Variants in CEP112 observed in about 807,000 individuals in gnomAD.
CEP112 encodes the protein centrosomal protein 112.
Under a neutral mutation model 153.0 loss-of-function variants are expected in CEP112, and 127 were observed. The observed-to-expected ratio is 0.83, with a 90% CI of 0.72 to 0.96. CEP112 has a LOEUF of 0.96. CEP112 is among the 40% of genes least tolerant of loss of function. The probability of loss-of-function intolerance (pLI) is 0.00; values close to 1 mark genes in which losing one functional copy is unlikely to be tolerated. For synonymous variants in CEP112, 358 were observed against 374.4 expected, an observed-to-expected ratio of 0.96 and a Z score of 0.51; for missense variants, 1,089 against 1,101.2, an observed-to-expected ratio of 0.99 and a Z score of 0.16.
intron 2 of CEP112, among the ~76,000 whole-genome samples, chr17:66,180,568 G>C (rs1486953518): frequency 6.6e-6 from 1 of 151,898 alleles, no homozygotes; most frequent in Non-Finnish European, 1.5e-5. Context: ...ATTGATTGAG[G>C]GTTTTAACAT....
chr17:65,938,414 T>TAAAAA (rs1555722412), intron 18 of CEP112, among the ~76,000 whole-genome samples: 2 of 52,848 alleles, frequency 3.8e-5, no homozygotes, highest in African/African-American at 7.4e-5. Flanking sequence ...GAATGATCAA[T>TAAAAA]AAAAAAAAAA....
chr17:66,107,898 A>G (rs1264579765), intron 6 of CEP112, among the ~76,000 whole-genome samples: 4 of 152,210 alleles, frequency 2.6e-5, no homozygotes, highest in African/African-American at 9.6e-5. Context: ...TTCAAACTAT[A>G]GTACAAAGCT....
chr17:66,035,949 G>A (rs1210411619), intron 12 of CEP112, among the ~76,000 whole-genome samples: 2 of 152,200 alleles, frequency 1.3e-5, no homozygotes, highest in East Asian at 3.8e-4. Flanking sequence ...TCCACACTGG[G>A]GAGCCTGAAC....
At chr17:66,027,189 C>T (rs2065249252) in intron 16 of CEP112, among the ~76,000 whole-genome samples, 1 of 152,058 alleles carries the variant, frequency 6.6e-6, no homozygotes, top group African/African-American at 2.4e-5. Flanking sequence ...CCAACCTGGC[C>T]AAAATGGTGA....
chr17:66,039,564 G>T (rs1469186663), intron 12 of CEP112, among the ~76,000 whole-genome samples: 1 of 152,132 alleles, frequency 6.6e-6, no homozygotes, highest in Non-Finnish European at 1.5e-5. Context: ...AAGTCTTAAA[G>T]ATAGAGTTTA....
chr17:65,753,717 C>T (rs995834639), intron 21 of CEP112, among the ~76,000 whole-genome samples: 12 of 152,176 alleles, frequency 7.9e-5, no homozygotes, highest in East Asian at 7.7e-4. Flanking sequence ...TTAAAATAAA[C>T]GCTTAATAGA....
chr17:65,966,380 T>C (rs909356993), intron 17 of CEP112, among the ~76,000 whole-genome samples: 35 of 152,328 alleles, frequency 2.3e-4, no homozygotes, highest in African/African-American at 7.7e-4. Flanking sequence ...AACCTTAATT[T>C]GAAAATCTTC....
At chr17:66,151,907 T>A (rs951035242) in intron 4 of CEP112, among the ~76,000 whole-genome samples, 23 of 152,082 alleles carry the variant, frequency 1.5e-4, no homozygotes, top group Non-Finnish European at 3.2e-4. Context: ...AATTAAAAAA[T>A]TTTAAAAAAA....
intron 8 of CEP112, 22 bp from the exon 9 acceptor site, chr17:66,070,023 G>A: frequency 2.1e-6 from 3 of 1,444,452 alleles, no homozygotes; most frequent in African/African-American, 1.4e-5. Context: ...ATATTTCAAG[G>A]GTGTTATTAA....
intron 4 of CEP112, among the ~76,000 whole-genome samples, chr17:66,165,791 A>G (rs2071929864): frequency 6.6e-6 from 1 of 152,212 alleles, no homozygotes; most frequent in Admixed American, 6.5e-5. Flanking sequence ...ATATTGGGGT[A>G]AGACATACAG....
chr17:66,099,970 T>C (rs959745106), intron 6 of CEP112, among the ~76,000 whole-genome samples: 1 of 151,880 alleles, frequency 6.6e-6, no homozygotes, highest in African/African-American at 2.4e-5. Context: ...GGTATTCAAA[T>C]ATAACTTTTA....
chr17:65,920,404 T>TATATATATATAA (rs1411367503), intron 19 of CEP112, among the ~76,000 whole-genome samples: 2 of 111,370 alleles, frequency 1.8e-5, no homozygotes, highest in African/African-American at 3.6e-5. Context: ...TATATATATA[T>TATATATATATAA]AATTATAATA....
rs915337921 is a variant in CEP112, at chr17:65,970,327, G to C, written c.1737-8729C>G. Among the ~76,000 whole-genome samples the C allele has an allele frequency of 4.8e-5, 7 of 145,226 alleles. 1 individual carries two copies. The highest frequency in any genetic ancestry group is 6.1e-5 in the Non-Finnish European group (4 of 65,824). ...GTGTATCTCATATGTAAAACATATTGCATGCATATTACATGCATGTGCACT... is the reference window on the plus strand; with the variant it reads ...GTGTATCTCATATGTAAAACATATTCCATGCATATTACATGCATGTGCACT... On this transcript the variant is annotated intron_variant, in intron 17 of 26. Transcript: ENST00000535342.
chr17:66,019,510 G>A (rs1373079), intron 16 of CEP112, among the ~76,000 whole-genome samples: 62,542 of 152,086 alleles, frequency 0.41, 14,330 homozygotes, highest in East Asian at 0.87. Context: ...AATGTAAAAG[G>A]GGGAGATTAT....
At chr17:66,085,008 T>C (rs898022549) in intron 8 of CEP112, among the ~76,000 whole-genome samples, 8 of 152,110 alleles carry the variant, frequency 5.3e-5, no homozygotes, top group Non-Finnish European at 1.2e-4. Flanking sequence ...TTCTCTACAC[T>C]AAAAAGTAGC....
intron 24 of CEP112, among the ~76,000 whole-genome samples, chr17:65,665,373 C>G (rs767921952): frequency 6.6e-6 from 1 of 152,180 alleles, no homozygotes; most frequent in Non-Finnish European, 1.5e-5. Flanking sequence ...GCCTCAAGGC[C>G]AACTCAAGGG....
chr17:65,998,830 T>G (rs927167934), intron 17 of CEP112, among the ~76,000 whole-genome samples: 1 of 152,208 alleles, frequency 6.6e-6, no homozygotes, highest in Non-Finnish European at 1.5e-5. Flanking sequence ...TTAAGCATCA[T>G]GCCTAAGGTC....
chr17:65,892,625 G>A (rs1038700583), intron 20 of CEP112, among the ~76,000 whole-genome samples: 3 of 151,994 alleles, frequency 2.0e-5, no homozygotes, highest in South Asian at 2.1e-4. Flanking sequence ...TGTACAGTCC[G>A]GGCTTTAACA....
intron 21 of CEP112, among the ~76,000 whole-genome samples, chr17:65,768,753 T>C (rs1225900825): frequency 1.3e-5 from 2 of 152,138 alleles, no homozygotes; most frequent in African/African-American, 2.4e-5. Flanking sequence ...ATAAAAACTT[T>C]TAACAGTTTA....
Sources: allele counts gnomAD v4.1 joint callset (sites outside exome capture counted in the v4.1 genomes callset), GRCh38; gene constraint gnomAD v4.1.1; transcripts MANE v1.5; gene names NCBI Gene and HGNC (gene_info 2026-07-23, HGNC 2026-07-21).